Variants in LTBP2 observed in about 807,000 individuals in gnomAD.
LTBP2 encodes the protein latent transforming growth factor beta binding protein 2.
Under a neutral mutation model 210.6 loss-of-function variants are expected in LTBP2, and 103 were observed. The ratio of observed to expected loss-of-function variants is 0.49; its 90% confidence interval spans 0.42 to 0.58. LTBP2 has a LOEUF of 0.58. Ranked by LOEUF, LTBP2 falls within the 20% of genes least tolerant of loss-of-function variation. The probability of loss-of-function intolerance (pLI) is 0.00; values close to 1 mark genes in which losing one functional copy is unlikely to be tolerated. For synonymous variants in LTBP2, 1,007 were observed against 1,015.0 expected (o/e 0.99, Z 0.15); for missense variants, 2,313 against 2,494.5 (o/e 0.93, Z 1.55).
chr14:74,544,935 G>A (rs1025898803), intron 8 of LTBP2, among the ~76,000 whole-genome samples: 3 of 152,156 alleles, frequency 2.0e-5, no homozygotes, highest in African/African-American at 7.2e-5. Context: ...TGAGAACCAC[G>A]TGGGGGAAAG....
At chr14:74,544,501 AATG>A (rs1389007108) in intron 8 of LTBP2, among the ~76,000 whole-genome samples, 3 of 152,254 alleles carry the variant, frequency 2.0e-5, no homozygotes, top group East Asian at 3.9e-4. Context: ...AATGGTTGTG[AATG>A]ATGATAAGGG....
chr14:74,536,027 T>C, intron 8 of LTBP2, 27 bp from the exon 9 acceptor site: 1 of 1,599,810 alleles, frequency 6.3e-7, no homozygotes, highest in African/African-American at 1.3e-5. Flanking sequence ...CGGACAGGTC[T>C]CACTGGACGG....
Position 74,503,979 on chromosome 14 carries a change from A to G in LTBP2, c.4529T>C (p.Val1510Ala), listed in dbSNP as rs2086949783. The change falls in exon 31 of 36, where the codon GTC becomes GCC. Residue 1510 changes from valine (V) to alanine (A), a missense_variant. By Grantham distance (64) the Val-to-Ala change is moderately conservative. Coordinates refer to ENST00000261978, the MANE Select transcript of LTBP2 (RefSeq NM_000428.3). ...GRCLNTVPGY[V>A]CLCNPGFHYD... ...GTGGAAGCCGGGATTGCACAGGCAG[A>G]CATAACCAGGCACGGTGTTGAGGCA... 1 of 1,614,012 alleles carries G rather than the reference A, an allele frequency of 6.2e-7. No homozygotes were observed. The highest frequency in any genetic ancestry group is 8.5e-7 in the Non-Finnish European group (1 of 1,180,028).
chr14:74,501,390 C>T (rs1205538078), intron 35 of LTBP2, 51 bp downstream of exon 35: 1 of 1,613,432 alleles, frequency 6.2e-7, no homozygotes, highest in Non-Finnish European at 8.5e-7. Context: ...GTTCAGGCGT[C>T]TCTGTGGGCA....
chr14:74,591,462 CTGAA>C (rs911797190), intron 2 of LTBP2, among the ~76,000 whole-genome samples: 1 of 152,206 alleles, frequency 6.6e-6, no homozygotes, highest in Non-Finnish European at 1.5e-5. Flanking sequence ...GGTAACCCTT[CTGAA>C]TTAACCATGT....
chr14:74,537,273 A>G (rs1378120235), intron 8 of LTBP2, among the ~76,000 whole-genome samples: 1 of 152,194 alleles, frequency 6.6e-6, no homozygotes, highest in Non-Finnish European at 1.5e-5. Flanking sequence ...AGCAGGAGGC[A>G]TACTTCTGAT....
intron 2 of LTBP2, among the ~76,000 whole-genome samples, chr14:74,601,406 T>C (rs1472677122): frequency 6.6e-6 from 1 of 152,042 alleles, no homozygotes; most frequent in Non-Finnish European, 1.5e-5. Flanking sequence ...ATTAATTAAA[T>C]AAAAATAAAT....
At position 74,506,766 on chromosome 14, in the gene LTBP2, G is replaced by C; in HGVS notation, c.3965C>G (p.Thr1322Ser). 6.2e-7 allele frequency: 1 copy of C among 1,614,092 alleles called. No homozygotes were observed. The highest frequency in any genetic ancestry group is 8.5e-7 in the Non-Finnish European group (1 of 1,180,038). The change falls in exon 27 of 36, where the codon ACT (threonine) becomes AGT (serine). Residue 1322 changes from threonine to serine, a missense_variant. This residue lies in a region of LTBP2 where 1,867 missense variants were observed against 1,976.9 expected (regional missense o/e 0.94). Coordinates refer to ENST00000261978, the MANE Select transcript of LTBP2 (RefSeq NM_000428.3). ...ACAGAGGCAGCGGAAGGAGCCATCA[G>C]TGTTGTCACAGAAGCCGTGGCTGCC... The part of the protein sequence containing the change: ...MCGSHGFCDN[T>S]DGSFRCLCDQ...
At chr14:74,540,869 A>ATATATATTATATATATATTATATATATT (rs2087495396) in intron 8 of LTBP2, among the ~76,000 whole-genome samples, 1 of 71,422 alleles carries the variant, frequency 1.4e-5, no homozygotes, top group Non-Finnish European at 3.0e-5. Context: ...ATATATATTT[A>ATATATATTATATATATATTATATATATT]TATATATAAT....
intron 6 of LTBP2, 85 bp from the exon 7 acceptor site, chr14:74,551,435 G>A (rs912668381): frequency 2.3e-6 from 3 of 1,314,238 alleles, no homozygotes; most frequent in Non-Finnish European, 2.0e-6. Flanking sequence ...ACCACCCCTG[G>A]GCCAGGCAGG....
chr14:74,599,746 A>C lies in LTBP2; in HGVS notation c.565+3889T>G, dbSNP rs539268722. ...GAAGGAGGGCAGGCCCGGGAGATGG[A>C]CTGGTGTGTGACAGTGACCTGGGAT... On this transcript the variant is annotated intron_variant, in intron 2 of 35. Transcript: ENST00000261978. Among the ~76,000 whole-genome samples the C allele has an allele frequency of 2.6e-5, 4 of 152,348 alleles. No individual in the cohort carries two copies. In the East Asian group the frequency reaches 5.8e-4, roughly 22 times the overall value.
intron 8 of LTBP2, among the ~76,000 whole-genome samples, chr14:74,540,772 A>ATATATATAT (rs2087483549): frequency 1.2e-5 from 1 of 82,990 alleles, no homozygotes; most frequent in Non-Finnish European, 2.5e-5. Flanking sequence ...CTTAAAAAAT[A>ATATATATAT]TATATATATA....
Position 74,556,447 on chromosome 14 carries a change from C to T in LTBP2, c.831-754G>A, listed in dbSNP as rs578230200. Among the ~76,000 whole-genome samples, 298 of 152,302 alleles carry T rather than the reference C, an allele frequency of 2.0e-3. 4 individuals carry two copies. Among genetic ancestry groups the T allele is most frequent in the African/African-American group, 6.8e-3 (284 of 41,560 alleles). ...TCATGTTCATCGCTATATGATAGTC[C>T]AGCTAAAGATGAATCACAACTTATT... On this transcript the variant is annotated intron_variant, in intron 3 of 35. Coordinates refer to ENST00000261978, the MANE Select transcript of LTBP2 (RefSeq NM_000428.3).
chr14:74,552,845 AC>A (rs767312626), intron 5 of LTBP2, 46 bp downstream of exon 5: 23 of 1,586,090 alleles, frequency 1.5e-5, no homozygotes, highest in Non-Finnish European at 1.1e-5. Flanking sequence ...CTGGCCATCT[AC>A]CCTCCAGGGC....
chr14:74,522,903 G>T lies in LTBP2; in HGVS notation c.2546C>A (p.Ala849Asp). Reference protein sequence around the residue: ...TLSTPGIDRCAAGATNVCGPG... With the variant: ...TLSTPGIDRCDAGATNVCGPG... ...GCCACAGACGTTGGTGGCTCCAGCA[G>T]CGCATCTGTCAATGCCTGTGGGAGA... Residue 849 changes from alanine to aspartate, a missense_variant, in exon 16 of 36, where the codon GCT becomes GAT. Physicochemically the swap from Ala to Asp is moderately radical, Grantham distance 126. Around this residue, in one of 3 missense-constraint regions of LTBP2, gnomAD observed 1,867 missense variants for 1,976.9 expected, o/e 0.94. Coordinates refer to ENST00000261978, the MANE Select transcript of LTBP2 (RefSeq NM_000428.3). 6.2e-7 allele frequency: 1 copy of T among 1,612,188 alleles called. No individual in the cohort carries two copies. Among genetic ancestry groups the T allele is most frequent in the Non-Finnish European group, 8.5e-7 (1 of 1,179,476 alleles).
intron 2 of LTBP2, among the ~76,000 whole-genome samples, chr14:74,592,845 A>G (rs950587797): frequency 1.3e-5 from 2 of 152,276 alleles, no homozygotes; most frequent in Admixed American, 1.3e-4. Context: ...CCCCTGGGAC[A>G]GTACCCTCGG....
At position 74,522,792 on chromosome 14, in the gene LTBP2, G is replaced by T. The variant is rs201591982; in HGVS notation, c.2657C>A (p.Thr886Lys). ...GCCCAGGGCACCCAAGTGAATACCT[G>T]TGCAGTAGGCCTGGCTGGGGTGCAG... ...YQLHPSQAYC[T>K]DDNECLRDPC... The change falls in exon 16 of 36, where the codon ACA becomes AAA. Residue 886 changes from threonine (T) to lysine (K), a missense_variant and splice_region_variant. By Grantham distance (78) the Thr-to-Lys change is moderately conservative. Around this residue, in one of 3 missense-constraint regions of LTBP2, gnomAD observed 1,867 missense variants for 1,976.9 expected, o/e 0.94. Coordinates refer to ENST00000261978, the MANE Select transcript of LTBP2 (RefSeq NM_000428.3). The T allele has an allele frequency of 2.7e-4, 433 of 1,610,666 alleles. 5 individuals are homozygous for T. The East Asian group carries it at 3.0e-3, about 11-fold the overall frequency.
intron 19 of LTBP2, 72 bp from the exon 20 acceptor site, chr14:74,510,285 G>A (rs570652224): frequency 1.1e-5 from 17 of 1,597,140 alleles, no homozygotes; most frequent in Admixed American, 1.0e-4. Context: ...CAGGCTCCAA[G>A]CATCTCAGTT....
At chr14:74,509,060 C>A (rs1295077895) in intron 22 of LTBP2, 108 bp from the exon 23 acceptor site, 2 of 1,577,058 alleles carry the variant, frequency 1.3e-6, no homozygotes, top group South Asian at 1.1e-5. Flanking sequence ...AGAGCTGGAC[C>A]CACGGGGGAT....
Sources: gnomAD v4.1 joint callset for allele counts (sites outside exome capture counted in the v4.1 genomes callset) on GRCh38, gnomAD v4.1.1 for gene constraint, gnomAD v4.1.1 regional missense constraint, MANE v1.5 for transcripts, NCBI Gene and HGNC (gene_info 2026-07-23, HGNC 2026-07-21) for gene names.